The following ITSN2 variants were observed in gnomAD, a reference collection of about 807,000 sequenced individuals.
ITSN2 encodes intersectin-2.
In ITSN2, 156 loss-of-function variants were observed where a neutral mutation model predicts 243.7. The ratio of observed to expected loss-of-function variants is 0.64; its 90% CI spans 0.56 to 0.73. ITSN2 has a LOEUF of 0.73. Ranked by LOEUF, ITSN2 falls within the 30% of genes least tolerant of loss-of-function variation. The probability of loss-of-function intolerance (pLI) is 0.00; values close to 1 mark genes in which losing one functional copy is unlikely to be tolerated. For synonymous variants in ITSN2, 703 were observed against 699.9 expected (o/e 1.00, Z -0.07); for missense variants, 1,801 against 1,996.1 (o/e 0.90, Z 1.86).
chr2:24,267,929 C>T (rs918890730), intron 20 of ITSN2, among the ~76,000 whole-genome samples: 7 of 152,142 alleles, frequency 4.6e-5, no homozygotes, highest in Admixed American at 3.9e-4. Context: ...AGAAAAATCT[C>T]GTTCATTTAT....
chr2:24,359,713 A>C (rs1688775017), intron 1 of ITSN2, among the ~76,000 whole-genome samples: 1 of 152,182 alleles, frequency 6.6e-6, no homozygotes, highest in Non-Finnish European at 1.5e-5. Context: ...ATATTCTGGA[A>C]GTCAATAACG....
Position 24,246,984 on chromosome 2 carries a change from T to G in ITSN2, c.3289-91A>C, listed in dbSNP as rs1011828993. 5.8e-6 allele frequency: 5 copies of G among 867,914 alleles called. No homozygotes were observed. The Admixed American group carries it at 1.0e-4, about 18-fold the overall frequency. The allele number at this position is 867,914 out of a possible 1,614,324, so 53.8% of individuals were successfully genotyped here. A position where few individuals can be genotyped will look rare whatever the true frequency, so the allele number is the denominator to read the frequency against. On this transcript the variant is annotated intron_variant, in intron 27 of 39. Coordinates refer to ENST00000355123, the MANE Select transcript of ITSN2 (RefSeq NM_006277.3). ...TTAAAAATTAGAAAAACCATAAATG[T>G]GTAGTAAATAATTTAATTTTGCCTA... is the stretch of plus-strand genomic sequence containing the variant.
intron 29 of ITSN2, 74 bp downstream of exon 29, chr2:24,246,055 G>A: frequency 4.2e-6 from 4 of 954,344 alleles, no homozygotes; most frequent in Non-Finnish European, 6.2e-6. Context: ...ATCTAATCCA[G>A]AAAAGGAATA....
chr2:24,329,465 G>T (rs1315069114), intron 1 of ITSN2, among the ~76,000 whole-genome samples: 1 of 151,982 alleles, frequency 6.6e-6, no homozygotes, highest in Non-Finnish European at 1.5e-5. Context: ...TAGAGACGAG[G>T]TTTTACCATG....
At chr2:24,352,629 G>T (rs1259228847) in intron 1 of ITSN2, among the ~76,000 whole-genome samples, 1 of 152,092 alleles carries the variant, frequency 6.6e-6, no homozygotes, top group Non-Finnish European at 1.5e-5. Flanking sequence ...TATAAGCTCA[G>T]ATTTTTATAA....
rs750854443 is a variant in ITSN2 at position 24,246,252 on chromosome 2, G to C, written c.3454C>G (p.Gln1152Glu). ...TCTTTGTTCATAACATTAATGAGTTGTCCCTTGGAGAAACTGAGCTCATCT... is the reference window on the plus strand; with the variant it reads ...TCTTTGTTCATAACATTAATGAGTTCTCCCTTGGAGAAACTGAGCTCATCT... ...NEDELSFSKG[Q>E]LINVMNKDDP... The change falls in exon 29 of 40, where the codon CAA (glutamine) becomes GAA (glutamate). Residue 1152 changes from glutamine to glutamate, a missense_variant. This residue lies in a region of ITSN2 where 928 missense variants were observed against 1,065.4 expected (regional missense o/e 0.87). Coordinates refer to ENST00000355123, the MANE Select transcript of ITSN2 (RefSeq NM_006277.3). 2 of 1,612,454 alleles carry C rather than the reference G, an allele frequency of 1.2e-6. No individual in the cohort carries two copies. Among genetic ancestry groups the C allele is most frequent in the East Asian group, 2.2e-5 (1 of 44,856 alleles).
intron 9 of ITSN2, 50 bp downstream of exon 9, chr2:24,303,749 T>G (rs1424773901): frequency 8.8e-7 from 1 of 1,138,402 alleles, no homozygotes; most frequent in African/African-American, 1.5e-5. Flanking sequence ...AGAGTTTAAT[T>G]AATTAATGCA....
rs115226564 is a variant in ITSN2 at position 24,204,175 on chromosome 2, C to T, written c.4936+70G>A. Reference sequence around the variant, plus strand: ...CATGGGGTCTGCACACAGCTGAAGCCCCTAGATCTGGACTCCAGGATCTAG... The same window carrying T: ...CATGGGGTCTGCACACAGCTGAAGCTCCTAGATCTGGACTCCAGGATCTAG... On this transcript the variant is annotated intron_variant, in intron 39 of 39. Transcript: ENST00000355123. The surrounding 1 kb of genome is among the most constrained non-coding windows in gnomAD (Gnocchi z 5.1). 0.019 allele frequency: 27,553 copies of T among 1,481,578 alleles called. 336 individuals carry two copies. Among genetic ancestry groups the T allele is most frequent in the South Asian group, 0.044 (3,767 of 86,492 alleles). 91.8% of individuals were successfully genotyped at this position (1,481,578 alleles called of 1,614,324 possible). A position where few individuals can be genotyped will look rare whatever the true frequency, so the allele number is the denominator to read the frequency against.
chr2:24,266,629 G>A (rs143403648), intron 20 of ITSN2, among the ~76,000 whole-genome samples: 86 of 152,170 alleles, frequency 5.7e-4, no homozygotes, highest in African/African-American at 2.0e-3. Context: ...TTTAAGACTA[G>A]TTTAAAATAG....
At chr2:24,210,254 C>T (rs2151097252) in intron 34 of ITSN2, 4 of 536,360 alleles carry the variant, frequency 7.5e-6, no homozygotes, top group South Asian at 7.3e-5. Context: ...AACACTGATT[C>T]TACCAGCTGA....
chr2:24,258,857 ATTC>A (rs1574046586), intron 22 of ITSN2, among the ~76,000 whole-genome samples: 1 of 152,178 alleles, frequency 6.6e-6, no homozygotes, highest in East Asian at 1.9e-4. Context: ...CCAAACCCTT[ATTC>A]CTCTTGATCT....
chr2:24,259,384 T>C (rs886611550), intron 22 of ITSN2, among the ~76,000 whole-genome samples: 1 of 152,228 alleles, frequency 6.6e-6, no homozygotes, highest in African/African-American at 2.4e-5. Flanking sequence ...TATTTAGCTA[T>C]TGTAATATCC....
intron 3 of ITSN2, among the ~76,000 whole-genome samples, chr2:24,313,834 T>C (rs1447891128): frequency 1.3e-5 from 2 of 152,220 alleles, no homozygotes; most frequent in East Asian, 3.8e-4. Flanking sequence ...TTAAAAACAC[T>C]ATTCCCTAAA....
At chr2:24,206,297 G>T (rs1283311797) in intron 37 of ITSN2, 1 of 427,512 alleles carries the variant, frequency 2.3e-6, no homozygotes, top group Non-Finnish European at 4.7e-6. Context: ...AACACATAAA[G>T]AGCTGCAACT....
At chr2:24,281,620 T>G (rs999611677) in intron 17 of ITSN2, among the ~76,000 whole-genome samples, 23 of 152,258 alleles carry the variant, frequency 1.5e-4, no homozygotes, top group African/African-American at 5.5e-4. Flanking sequence ...TTAGGCATAC[T>G]GTTTTCAATT....
At chr2:24,335,704 T>C (rs1331452555) in intron 1 of ITSN2, among the ~76,000 whole-genome samples, 1 of 151,676 alleles carries the variant, frequency 6.6e-6, no homozygotes, top group East Asian at 2.0e-4. Flanking sequence ...CAGTGCGCCA[T>C]CTTGGCTCAC....
At chr2:24,355,979 G>A (rs1039161809) in intron 1 of ITSN2, among the ~76,000 whole-genome samples, 1 of 152,128 alleles carries the variant, frequency 6.6e-6, no homozygotes, top group Non-Finnish European at 1.5e-5. Flanking sequence ...GAGGCGGGTG[G>A]ATCACCTGAG....
In ITSN2 at chr2:24,210,803, C is replaced by T. The variant is rs372075368; in HGVS notation, c.4234G>A (p.Val1412Met). The change falls in exon 34 of 40, where the codon GTG becomes ATG. Residue 1412 changes from valine to methionine, a missense_variant. Physicochemically the swap from Val to Met is conservative, Grantham distance 21. Coordinates refer to ENST00000355123, the MANE Select transcript of ITSN2 (RefSeq NM_006277.3). ...ACCTCCGCGAGGCCTTCACACTGCA[C>T]GTGCGCCTGGATCCACTCCAGTCGG... Reference protein sequence around the residue: ...SDRLEWIQAHVQCEGLAEQLI... With the variant: ...SDRLEWIQAHMQCEGLAEQLI... 21 of 1,613,818 alleles carry T rather than the reference C, an allele frequency of 1.3e-5. No homozygotes were observed. The South Asian group carries it at 1.8e-4, about 14-fold the overall frequency.
intron 29 of ITSN2, among the ~76,000 whole-genome samples, chr2:24,223,838 AAAC>A (rs1253601506): frequency 2.8e-5 from 4 of 142,610 alleles, no homozygotes; most frequent in African/African-American, 1.1e-4. Context: ...AAAAGGAAAG[AAAC>A]AAGAAAAAGA....
Sources: allele counts gnomAD v4.1 joint callset (sites outside exome capture counted in the v4.1 genomes callset), GRCh38; gene constraint gnomAD v4.1.1; regional missense constraint gnomAD v4.1.1; non-coding constraint Gnocchi (gnomAD v3.1); transcripts MANE v1.5; gene names NCBI Gene and HGNC (gene_info 2026-07-23, HGNC 2026-07-21).